Variants in PDE1C observed in about 807,000 individuals in gnomAD.
PDE1C encodes the protein phosphodiesterase 1C.
In PDE1C, 62 loss-of-function variants were observed where a neutral mutation model predicts 93.1. The ratio of observed to expected loss-of-function variants is 0.67; its 90% CI spans 0.54 to 0.82. The LOEUF (loss-of-function observed/expected upper bound fraction) is 0.82. Among genes scored for constraint, PDE1C ranks in the 40% least tolerant of loss-of-function variants. The pLI is 0.00. For synonymous variants in PDE1C, 325 were observed against 310.1 expected, an observed-to-expected ratio of 1.05 and a Z score of -0.50; for missense variants, 742 against 884.6, an observed-to-expected ratio of 0.84 and a Z score of 2.04.
intron 2 of PDE1C, among the ~76,000 whole-genome samples, chr7:31,924,267 GGACA>G (rs1235208487): frequency 2.6e-5 from 4 of 152,048 alleles, no homozygotes; most frequent in African/African-American, 7.3e-5. Context: ...ACCTCACACA[GGACA>G]GACAATCAAT....
intron 3 of PDE1C, among the ~76,000 whole-genome samples, chr7:32,082,064 C>G (rs996870551): frequency 6.6e-6 from 1 of 152,236 alleles, no homozygotes; most frequent in Non-Finnish European, 1.5e-5. Context: ...CGAGGCATTG[C>G]CTCACTCCAG....
the PDE1C span, among the ~76,000 whole-genome samples, chr7:31,656,818 C>G: frequency 6.6e-6 from 1 of 152,044 alleles, no homozygotes; most frequent in Admixed American, 6.6e-5. Context: ...GGTCTCCAAA[C>G]ATTTAATGGT....
intron 11 of PDE1C, among the ~76,000 whole-genome samples, chr7:31,833,739 T>C (rs1001111257): frequency 2.6e-5 from 4 of 152,120 alleles, no homozygotes; most frequent in African/African-American, 9.7e-5. Context: ...AGAGGTAACT[T>C]GGGTGCTGTT....
chr7:31,916,047 G>T (rs958419028), intron 2 of PDE1C, among the ~76,000 whole-genome samples: 4 of 152,218 alleles, frequency 2.6e-5, no homozygotes, highest in East Asian at 1.9e-4. Flanking sequence ...CCAGGTATGG[G>T]GGGGGCACCT....
intron 2 of PDE1C, among the ~76,000 whole-genome samples, chr7:31,991,355 A>G (rs1317410229): frequency 6.6e-6 from 1 of 152,234 alleles, no homozygotes; most frequent in Non-Finnish European, 1.5e-5. Flanking sequence ...ATGAGGTGGT[A>G]GGGACAGAGT....
the PDE1C span, among the ~76,000 whole-genome samples, chr7:31,701,062 A>C: frequency 1.3e-5 from 2 of 152,176 alleles, no homozygotes; most frequent in Non-Finnish European, 2.9e-5. Flanking sequence ...TTCGACTTGC[A>C]AGTCTTGTTA....
At chr7:31,728,926 C>T in the PDE1C span, among the ~76,000 whole-genome samples, 1 of 152,202 alleles carries the variant, frequency 6.6e-6, no homozygotes, top group Non-Finnish European at 1.5e-5. Context: ...ATATATTCTG[C>T]ACCCAATGGG....
chr7:32,374,670 G>C (rs1338243304), intron 1 of PDE1C, among the ~76,000 whole-genome samples: 1 of 152,210 alleles, frequency 6.6e-6, no homozygotes, highest in Non-Finnish European at 1.5e-5. Flanking sequence ...TGCTCTGTCT[G>C]TTCCAATTTC....
At chr7:31,836,751 G>C (rs1243364310) in intron 11 of PDE1C, among the ~76,000 whole-genome samples, 2 of 152,062 alleles carry the variant, frequency 1.3e-5, no homozygotes, top group African/African-American at 4.8e-5. Flanking sequence ...CATCTGGTTT[G>C]GAATTTTGCG....
Position 32,398,644 on chromosome 7 carries a change from C to G in PDE1C, c.310+29178G>C, listed in dbSNP as rs537601227. ...CCTCAAGTGATCCTCCCGTCTCGGC[C>G]TCCCAAAGTGCTGGGATTACAGGCG... On this transcript the variant is annotated intron_variant, in intron 1 of 1. Coordinates refer to the PDE1C transcript ENST00000672256. Among the ~76,000 whole-genome samples, 8 of 152,208 alleles carry G rather than the reference C, an allele frequency of 5.3e-5. No homozygotes were observed. The South Asian group carries it at 1.5e-3, about 28-fold the overall frequency.
intron 1 of PDE1C, among the ~76,000 whole-genome samples, chr7:32,389,374 G>A (rs957984531): frequency 2.0e-5 from 3 of 152,082 alleles, no homozygotes; most frequent in East Asian, 1.9e-4. Flanking sequence ...GTGCCACCAC[G>A]CTCGACTAAT....
At chr7:31,688,524 G>A in the PDE1C span, among the ~76,000 whole-genome samples, 80 of 152,328 alleles carry the variant, frequency 5.3e-4, no homozygotes, top group Admixed American at 1.1e-3. Context: ...CTGCAATATA[G>A]TGGGGTCCCT....
chr7:32,104,623 A>G (rs1798206965), intron 3 of PDE1C, among the ~76,000 whole-genome samples: 1 of 152,142 alleles, frequency 6.6e-6, no homozygotes, highest in African/African-American at 2.4e-5. Context: ...AGGCCAATGG[A>G]TAATGTAAAT....
chr7:32,249,331 A>T (rs1809192996), intron 1 of PDE1C, among the ~76,000 whole-genome samples: 1 of 151,834 alleles, frequency 6.6e-6, no homozygotes, highest in Non-Finnish European at 1.5e-5. Flanking sequence ...TTTTTCCTTA[A>T]GGTGGTAAAC....
chr7:32,110,649 G>A lies in PDE1C; in HGVS notation c.308+59136C>T, dbSNP rs905869495. On this transcript the variant is annotated intron_variant, in intron 3 of 18. Coordinates refer to the PDE1C transcript ENST00000396193. Reference sequence around the variant, plus strand: ...GCCACAGAGATGGGTGGTGTTTTCTGAGCGTTGAATTCTGAGATCAGAGGC... The same window carrying A: ...GCCACAGAGATGGGTGGTGTTTTCTAAGCGTTGAATTCTGAGATCAGAGGC... Among the ~76,000 whole-genome samples, 16 of 152,270 alleles carry A rather than the reference G, an allele frequency of 1.1e-4. 5 individuals are homozygous for A. The highest frequency in any genetic ancestry group is 6.5e-5 in the Admixed American group (1 of 15,292).
At chr7:32,162,408 A>G (rs1191900065) in intron 3 of PDE1C, among the ~76,000 whole-genome samples, 1 of 152,214 alleles carries the variant, frequency 6.6e-6, no homozygotes, top group Non-Finnish European at 1.5e-5. Context: ...CTAGAAGCAG[A>G]TGTCAAGACA....
chr7:32,287,610 C>T (rs1585081803), intron 1 of PDE1C, among the ~76,000 whole-genome samples: 1 of 152,362 alleles, frequency 6.6e-6, no homozygotes, highest in African/African-American at 2.4e-5. Flanking sequence ...AGAATGCACT[C>T]CATAAAGACA....
At chr7:32,288,614 C>T (rs1463225121) in intron 1 of PDE1C, among the ~76,000 whole-genome samples, 1 of 152,162 alleles carries the variant, frequency 6.6e-6, no homozygotes, top group Admixed American at 6.5e-5. Context: ...TAAGAGATGA[C>T]TGATTCCTCT....
chr7:31,959,578 T>C (rs897871008), intron 2 of PDE1C, among the ~76,000 whole-genome samples: 5 of 152,128 alleles, frequency 3.3e-5, no homozygotes, highest in Non-Finnish European at 5.9e-5. Flanking sequence ...GAAAAGAAAT[T>C]AATACTAAGA....
Sources: gnomAD v4.1 joint callset for allele counts (sites outside exome capture counted in the v4.1 genomes callset) on GRCh38, gnomAD v4.1.1 for gene constraint, MANE v1.5 for transcripts, NCBI Gene and HGNC (gene_info 2026-07-23, HGNC 2026-07-21) for gene names.